Variants in CPNE8 observed in about 807,000 individuals in gnomAD.
CPNE8 encodes the protein copine-8.
Under a neutral mutation model 81.5 loss-of-function variants are expected in CPNE8, and 45 were observed. The observed-to-expected ratio is 0.55, with a 90% confidence interval of 0.44 to 0.71. CPNE8 has a LOEUF of 0.71. Ranked by LOEUF, CPNE8 falls within the 30% of genes least tolerant of loss-of-function variation. The pLI, the probability that CPNE8 is intolerant of heterozygous loss-of-function variation, is 0.00. For synonymous variants in CPNE8, 252 were observed against 226.3 expected, an observed-to-expected ratio of 1.11 and a Z score of -1.02; for missense variants, 594 against 672.1, an observed-to-expected ratio of 0.88 and a Z score of 1.28.
chr12:38,892,228 T>C lies in CPNE8; in HGVS notation c.98+13209A>G, dbSNP rs537966482. On this transcript the variant is annotated intron_variant, in intron 1 of 19. Coordinates refer to ENST00000331366, the MANE Select transcript of CPNE8 (RefSeq NM_153634.3). Reference sequence around the variant, plus strand: ...CCTAGTCCACTTTGGCTGGTGCCCATGTCTGAGATAAGGCTGGGAAAGGAA... The same window carrying C: ...CCTAGTCCACTTTGGCTGGTGCCCACGTCTGAGATAAGGCTGGGAAAGGAA... Among the ~76,000 whole-genome samples the C allele has an allele frequency of 4.6e-5, 7 of 152,168 alleles. No homozygotes were observed. In the East Asian group the frequency reaches 7.7e-4, roughly 17 times the overall value.
At chr12:38,667,963 A>G (rs567572895) in intron 19 of CPNE8, among the ~76,000 whole-genome samples, 19 of 152,002 alleles carry the variant, frequency 1.2e-4, no homozygotes, top group African/African-American at 3.9e-4. Flanking sequence ...ACACGCTGGT[A>G]ATTTTTTGTA....
At chr12:38,688,008 T>C (rs1374312453) in intron 15 of CPNE8, among the ~76,000 whole-genome samples, 1 of 152,204 alleles carries the variant, frequency 6.6e-6, no homozygotes, top group Admixed American at 6.5e-5. Flanking sequence ...TATGGTGCTC[T>C]TTTCCCTTGA....
At chr12:38,873,832 A>G (rs1262199290) in intron 2 of CPNE8, among the ~76,000 whole-genome samples, 1 of 152,178 alleles carries the variant, frequency 6.6e-6, no homozygotes, top group African/African-American at 2.4e-5. Flanking sequence ...TACCCTTCTC[A>G]CTTTACAAGT....
intron 3 of CPNE8, among the ~76,000 whole-genome samples, chr12:38,864,089 C>A (rs1201090416): frequency 6.6e-6 from 1 of 151,714 alleles, no homozygotes; most frequent in Non-Finnish European, 1.5e-5. Flanking sequence ...AAGAATGCCT[C>A]CTGTCACCGC....
In CPNE8 at chr12:38,719,247, AAGGGTGTCATGACCAAGCT is replaced by A. The variant is rs1459662804; in HGVS notation, c.914+4506_914+4524del. 2.0e-5 allele frequency among the ~76,000 whole-genome samples: 3 copies of A among 152,168 alleles called. No homozygotes were observed. In the East Asian group the frequency reaches 5.8e-4, roughly 29 times the overall value. The stretch of plus-strand genomic sequence containing the variant: ...TGATTTGCCTGTCACCGTATAACAC[AAGGGTGTCATGACCAAGCT>A]AGATCTCTTTACCATATCATTAATA... On this transcript the variant is annotated intron_variant, in intron 13 of 19. Coordinates refer to ENST00000331366, the MANE Select transcript of CPNE8 (RefSeq NM_153634.3).
intron 15 of CPNE8, among the ~76,000 whole-genome samples, chr12:38,688,510 C>T (rs571629599): frequency 8.5e-5 from 13 of 152,138 alleles, no homozygotes; most frequent in Admixed American, 7.2e-4. Flanking sequence ...GTTACTTGCA[C>T]ACACCTTTAT....
rs894700680 is a variant in CPNE8 at position 38,667,124 on chromosome 12, T to C, written c.1506+3605A>G. ...ATTTGCCACCTTAGGGTTTTCTTTG[T>C]CCACTTGAGAAATGTGGAATTTCAA... On this transcript the variant is annotated intron_variant, in intron 19 of 19. Transcript: ENST00000331366. Among the ~76,000 whole-genome samples, 9 of 152,212 alleles carry C rather than the reference T, an allele frequency of 5.9e-5. No individual in the cohort carries two copies. The South Asian group carries it at 8.3e-4, about 14-fold the overall frequency.
At chr12:38,782,990 A>G (rs891149140) in intron 6 of CPNE8, among the ~76,000 whole-genome samples, 1 of 152,110 alleles carries the variant, frequency 6.6e-6, no homozygotes, top group Admixed American at 6.6e-5. Flanking sequence ...TACTCTCGCA[A>G]CTTTTACATG....
At chr12:38,715,735 G>A (rs1245693969) in intron 13 of CPNE8, among the ~76,000 whole-genome samples, 3 of 152,038 alleles carry the variant, frequency 2.0e-5, no homozygotes, top group African/African-American at 7.2e-5. Context: ...ATTGGATCAA[G>A]ACAATAATGC....
At chr12:38,658,346 G>C (rs1938872505) in intron 19 of CPNE8, among the ~76,000 whole-genome samples, 1 of 151,544 alleles carries the variant, frequency 6.6e-6, no homozygotes. Flanking sequence ...GACAAGATTA[G>C]AAAAAAAAGA....
intron 18 of CPNE8, among the ~76,000 whole-genome samples, chr12:38,674,863 G>A (rs1939253841): frequency 6.6e-6 from 1 of 152,168 alleles, no homozygotes; most frequent in African/African-American, 2.4e-5. Flanking sequence ...AAGTTAACCA[G>A]TAACTTACAA....
Position 38,765,667 on chromosome 12 carries a change from T to C in CPNE8, c.575+1968A>G, listed in dbSNP as rs147064782. On this transcript the variant is annotated intron_variant, in intron 8 of 19. Coordinates refer to ENST00000331366, the MANE Select transcript of CPNE8 (RefSeq NM_153634.3). Reference sequence around the variant, plus strand: ...TACACTCAAAATACAACAAAGCCTATGTGTGCGTACACATACATAAAATAT... The same window carrying C: ...TACACTCAAAATACAACAAAGCCTACGTGTGCGTACACATACATAAAATAT... Among the ~76,000 whole-genome samples, 370 of 152,310 alleles carry C rather than the reference T, an allele frequency of 2.4e-3. 3 individuals carry two copies. The highest frequency in any genetic ancestry group is 0.018 in the Admixed American group (278 of 15,298).
At chr12:38,740,800 T>C (rs1292490474) in intron 10 of CPNE8, among the ~76,000 whole-genome samples, 1 of 152,212 alleles carries the variant, frequency 6.6e-6, no homozygotes, top group Non-Finnish European at 1.5e-5. Flanking sequence ...GCCAGTATTT[T>C]ACTGAGGATT....
chr12:38,890,938 A>T (rs1455411410), intron 1 of CPNE8, among the ~76,000 whole-genome samples: 2 of 149,700 alleles, frequency 1.3e-5, no homozygotes, highest in Non-Finnish European at 3.0e-5. Flanking sequence ...ATTTTTTTTG[A>T]GAGAGAGAGA....
intron 3 of CPNE8, among the ~76,000 whole-genome samples, chr12:38,868,997 G>C (rs2137097591): frequency 6.6e-6 from 1 of 152,250 alleles, no homozygotes; most frequent in East Asian, 1.9e-4. Context: ...TGAATCACAT[G>C]AAACTGCCAA....
intron 1 of CPNE8, among the ~76,000 whole-genome samples, chr12:38,883,799 C>G (rs755246628): frequency 2.0e-5 from 3 of 152,246 alleles, no homozygotes; most frequent in Non-Finnish European, 4.4e-5. Flanking sequence ...TTCCAGCTCC[C>G]TGTCCTTTCA....
At chr12:38,844,260 A>G (rs1029312549) in intron 4 of CPNE8, among the ~76,000 whole-genome samples, 1 of 152,158 alleles carries the variant, frequency 6.6e-6, no homozygotes, top group African/African-American at 2.4e-5. Context: ...GAATGAGAAG[A>G]GTTATTTCTG....
chr12:38,827,862 A>G (rs1038539719), intron 6 of CPNE8, among the ~76,000 whole-genome samples: 2 of 152,148 alleles, frequency 1.3e-5, no homozygotes, highest in East Asian at 1.9e-4. Flanking sequence ...AAAACTACCT[A>G]TGGGGTACTA....
Position 38,905,499 on chromosome 12 carries a change from C to T in CPNE8, c.36G>A (p.Gly12=), listed in dbSNP as rs1944556508. The T allele has an allele frequency of 1.9e-6, 3 of 1,574,086 alleles. No individual in the cohort carries two copies. Among genetic ancestry groups the T allele is most frequent in the Non-Finnish European group, 2.6e-6 (3 of 1,159,676 alleles). ...TGGCAGCGCTCAGCTGGTTCAAGTCCCCGATGCCCGCAGTGCTGTTGTAGC... is the reference window on the plus strand; with the variant it reads ...TGGCAGCGCTCAGCTGGTTCAAGTCTCCGATGCCCGCAGTGCTGTTGTAGC... ...DSRYNSTAGI[G]DLNQLSAAIP... is the part of the protein sequence containing the mutation. Residue 12 remains glycine, a synonymous_variant, in exon 1 of 20, where the codon GGG becomes GGA. Transcript: ENST00000331366.
Sources: allele counts gnomAD v4.1 joint callset (sites outside exome capture counted in the v4.1 genomes callset), GRCh38; gene constraint gnomAD v4.1.1; transcripts MANE v1.5; gene names NCBI Gene and HGNC (gene_info 2026-07-23, HGNC 2026-07-21).